Variants in GAB4 observed in about 807,000 individuals in gnomAD.
The protein encoded by GAB4 is GRB2 associated binding protein family member 4, also known as GRB2-associated-binding protein 4.
GAB4 carries 26 observed loss-of-function variants against 51.3 expected under a neutral mutation model. The observed-to-expected ratio is 0.51, with a 90% CI of 0.37 to 0.70. The LOEUF (loss-of-function observed/expected upper bound fraction) is 0.70, where lower values mean the gene tolerates loss of function less well. Among genes scored for constraint, GAB4 ranks in the 30% least tolerant of loss-of-function variants. GAB4 has a pLI of 0.00. For synonymous variants in GAB4, 329 were observed against 291.2 expected, an observed-to-expected ratio of 1.13 and a Z score of -1.32; for missense variants, 759 against 734.6, an observed-to-expected ratio of 1.03 and a Z score of -0.38.
chr22:16,995,869 G>A (rs1449443579), intron 1 of GAB4, among the ~76,000 whole-genome samples: 1 of 152,070 alleles, frequency 6.6e-6, no homozygotes, highest in African/African-American at 2.4e-5. Context: ...AGGGCAAAAA[G>A]GCTGAAAATT....
chr22:16,972,062 G>A (rs143911607), intron 3 of GAB4, among the ~76,000 whole-genome samples: 62 of 152,342 alleles, frequency 4.1e-4, no homozygotes, highest in African/African-American at 1.3e-3. Flanking sequence ...CTTTCACTTG[G>A]TCTTTTGGAG....
At chr22:16,967,726 C>A (rs2060691889) in intron 5 of GAB4, among the ~76,000 whole-genome samples, 1 of 152,208 alleles carries the variant, frequency 6.6e-6, no homozygotes, top group Non-Finnish European at 1.5e-5. Flanking sequence ...TAATTCCCAC[C>A]ATCTTTGTAA....
At chr22:16,987,923 G>A (rs781687327) in intron 3 of GAB4, 37 bp downstream of exon 3, 1 of 1,494,822 alleles carries the variant, frequency 6.7e-7, no homozygotes, top group South Asian at 1.2e-5. Flanking sequence ...AGACCTTGTG[G>A]GGGTCACTGC....
chr22:16,969,576 C>T, intron 4 of GAB4: 1 of 492,952 alleles, frequency 2.0e-6, no homozygotes, highest in Non-Finnish European at 3.5e-6. Context: ...TGCCACCTCC[C>T]CTCTCCCTCT....
intron 3 of GAB4, among the ~76,000 whole-genome samples, chr22:16,980,421 G>A (rs1280267728): frequency 6.6e-6 from 1 of 152,122 alleles, no homozygotes; most frequent in Non-Finnish European, 1.5e-5. Context: ...CATCATCACT[G>A]GTCATTACAG....
intron 1 of GAB4, among the ~76,000 whole-genome samples, chr22:16,998,284 A>G (rs189806871): frequency 1.4e-4 from 22 of 152,294 alleles, no homozygotes; most frequent in African/African-American, 5.3e-4. Flanking sequence ...TGAGCATGGA[A>G]TGTTCTTCCA....
At chr22:16,997,800 T>A (rs1282583854) in intron 1 of GAB4, among the ~76,000 whole-genome samples, 1 of 152,214 alleles carries the variant, frequency 6.6e-6, no homozygotes, top group African/African-American at 2.4e-5. Context: ...AAGTTTTTAA[T>A]CCATCTTGAA....
intron 1 of GAB4, among the ~76,000 whole-genome samples, chr22:17,000,404 T>G (rs2060988071): frequency 6.6e-6 from 1 of 152,024 alleles, no homozygotes; most frequent in Non-Finnish European, 1.5e-5. Context: ...AATGGCCTTG[T>G]CTCTTTTGAT....
chr22:16,983,757 T>C (rs2060844744), intron 3 of GAB4, among the ~76,000 whole-genome samples: 1 of 152,214 alleles, frequency 6.6e-6, no homozygotes, highest in African/African-American at 2.4e-5. Flanking sequence ...TATGAATGTA[T>C]GAATGAAACT....
Position 17,007,904 on chromosome 22 carries a change from G to C in GAB4, c.174+37C>G, listed in dbSNP as rs572655040. The C allele has an allele frequency of 9.2e-6, 14 of 1,521,894 alleles. No individual in the cohort carries two copies. The South Asian group carries it at 1.6e-4, about 18-fold the overall frequency. The allele number at this position is 1,521,894 out of a possible 1,614,324, so 94.3% of individuals were successfully genotyped here. ...CCCTCCCGGAGTCCCCAGACCCTCC[G>C]TGGCGCTCCTGGTACCGCCCCCACT... On this transcript the variant is annotated intron_variant, in intron 1 of 9. Transcript: ENST00000400588.
At chr22:16,965,629 C>A (rs1483821086) in intron 6 of GAB4, among the ~76,000 whole-genome samples, 1 of 152,222 alleles carries the variant, frequency 6.6e-6, no homozygotes, top group African/African-American at 2.4e-5. Flanking sequence ...CCCCTGCTTG[C>A]CTTGGACAGG....
chr22:16,987,494 G>A (rs147557472), intron 3 of GAB4, among the ~76,000 whole-genome samples: 24 of 152,320 alleles, frequency 1.6e-4, no homozygotes, highest in Admixed American at 3.3e-4. Flanking sequence ...AACTGAACTC[G>A]AAATTTAATT....
intron 5 of GAB4, chr22:16,967,496 A>G (rs1022033864): frequency 2.0e-5 from 3 of 152,388 alleles, no homozygotes; most frequent in Non-Finnish European, 4.4e-5. Context: ...AAGGTGACGT[A>G]TGGGGTGAGG....
At chr22:17,003,021 G>A (rs2061010357) in intron 1 of GAB4, among the ~76,000 whole-genome samples, 1 of 151,906 alleles carries the variant, frequency 6.6e-6, no homozygotes, top group Admixed American at 6.6e-5. Flanking sequence ...AAGAAAGCAG[G>A]GTTTGCACTC....
chr22:16,968,216 G>T, intron 5 of GAB4, 82 bp downstream of exon 5: 1 of 962,036 alleles, frequency 1.0e-6, no homozygotes, highest in Middle Eastern at 2.1e-4. Context: ...GTCACCCTTT[G>T]GGGGATGTGC....
intron 1 of GAB4, among the ~76,000 whole-genome samples, chr22:17,002,187 C>T (rs559564578): frequency 6.6e-6 from 1 of 152,258 alleles, no homozygotes; most frequent in South Asian, 2.1e-4. Flanking sequence ...GAACCCAGTG[C>T]CTCAGTTGGA....
intron 2 of GAB4, 33 bp from the exon 3 acceptor site, chr22:16,988,200 G>A: frequency 6.8e-7 from 1 of 1,475,216 alleles, no homozygotes; most frequent in Non-Finnish European, 9.5e-7. Flanking sequence ...GGGCATCCTT[G>A]TCCTAAAGTG....
At chr22:17,003,614 G>T (rs1375705783) in intron 1 of GAB4, among the ~76,000 whole-genome samples, 1 of 152,080 alleles carries the variant, frequency 6.6e-6, no homozygotes, top group African/African-American at 2.4e-5. Flanking sequence ...AAGAAATAAA[G>T]ATTTTTTTTA....
chr22:16,964,695 G>A (rs1210380065), intron 8 of GAB4, 71 bp downstream of exon 8: 2 of 1,106,190 alleles, frequency 1.8e-6, no homozygotes, highest in Non-Finnish European at 2.7e-6. Flanking sequence ...AGCTAAGCTG[G>A]GAAGCGGGGA....
Sources: allele counts gnomAD v4.1 joint callset (sites outside exome capture counted in the v4.1 genomes callset), GRCh38; gene constraint gnomAD v4.1.1; transcripts MANE v1.5; gene names NCBI Gene and HGNC (gene_info 2026-07-23, HGNC 2026-07-21).